Variants in PAX5 observed in about 807,000 individuals in gnomAD.
PAX5 encodes the protein paired box protein Pax-5.
A neutral mutation model predicts 43.7 loss-of-function variants in PAX5; 9 were observed. The observed-to-expected ratio is 0.21, with a 90% CI of 0.12 to 0.36. The LOEUF (loss-of-function observed/expected upper bound fraction) is 0.36, where lower values mean the gene tolerates loss of function less well. Ranked by LOEUF, PAX5 falls within the 10% of genes least tolerant of loss-of-function variation. PAX5 has a pLI of 1.00. For missense variants in PAX5, 383 were observed against 532.7 expected (o/e 0.72, Z 2.77); for synonymous variants, 228 against 214.3 (o/e 1.06, Z -0.56).
At chr9:36,965,071 T>C (rs1473326719) in intron 6 of PAX5, among the ~76,000 whole-genome samples, 2 of 151,900 alleles carry the variant, frequency 1.3e-5, no homozygotes, top group Non-Finnish European at 2.9e-5. Context: ...ACACCCCTTC[T>C]CCTTGCTCCA....
chr9:37,018,884 A>G lies in PAX5; in HGVS notation c.212+1752T>C, dbSNP rs1332235946. Among the ~76,000 whole-genome samples, 14 of 152,304 alleles carry G rather than the reference A, an allele frequency of 9.2e-5. No individual in the cohort carries two copies. The East Asian group carries it at 2.5e-3, about 27-fold the overall frequency. The stretch of plus-strand genomic sequence containing the variant: ...TCTCCATGGGAGATTTGGAGGCTCC[A>G]GAGCACCAGAACATGAGGACCACAT... On this transcript the variant is annotated intron_variant, in intron 2 of 9. Coordinates refer to ENST00000358127, the MANE Select transcript of PAX5 (RefSeq NM_016734.3).
rs961912291 is a variant in PAX5 at position 36,894,074 on chromosome 9, C to A, written c.911-11969G>T. Among the ~76,000 whole-genome samples the A allele has an allele frequency of 2.0e-5, 3 of 152,210 alleles. No homozygotes were observed. The East Asian group carries it at 5.8e-4, about 29-fold the overall frequency. On this transcript the variant is annotated intron_variant, in intron 7 of 9. Coordinates refer to ENST00000358127, the MANE Select transcript of PAX5 (RefSeq NM_016734.3). ...TGGTTGCTGATCGAGACCCGCCACG[C>A]CCCCACTCCTGGTTTTGGTACATGC...
At chr9:37,021,485 A>G (rs1588252253) in intron 1 of PAX5, among the ~76,000 whole-genome samples, 1 of 152,196 alleles carries the variant, frequency 6.6e-6, no homozygotes, top group African/African-American at 2.4e-5. Context: ...CACACAGCAC[A>G]TTCCACTCCA....
intron 7 of PAX5, among the ~76,000 whole-genome samples, chr9:36,909,873 G>A (rs1304985255): frequency 7.3e-6 from 1 of 137,050 alleles, no homozygotes; most frequent in Admixed American, 7.7e-5. Flanking sequence ...CCAGGCTGGA[G>A]TGCAGTGGCA....
chr9:36,956,479 C>T (rs1833487168), intron 6 of PAX5, among the ~76,000 whole-genome samples: 1 of 152,092 alleles, frequency 6.6e-6, no homozygotes, highest in South Asian at 2.1e-4. Context: ...GGGCAATCTC[C>T]CACCCTAAAT....
In PAX5 at chr9:36,836,389, T is replaced by A. The variant is rs2131552719; in HGVS notation, c.*4171A>T. On this transcript the variant is annotated 3_prime_UTR_variant, in exon 10 of 10. Transcript: ENST00000358127. ...CTCACCTCTCTGGGCTCCCATCTCC[T>A]CCAAATCTGCAACAAAGGACAGGAG... is the stretch of plus-strand genomic sequence containing the variant. The A allele has an allele frequency of 4.3e-6, 1 of 233,192 alleles. No individual in the cohort carries two copies. 14.4% of individuals were successfully genotyped at this position (233,192 alleles called of 1,614,324 possible).
At position 36,874,730 on chromosome 9, in the gene PAX5, CT is replaced by C. The variant is rs1286154174; in HGVS notation, c.1012+7273del. Among the ~76,000 whole-genome samples the C allele has an allele frequency of 8.8e-4, 134 of 152,324 alleles. 1 individual carries two copies. The highest frequency in any genetic ancestry group is 5.9e-5 in the Non-Finnish European group (4 of 68,046). On this transcript the variant is annotated intron_variant, in intron 8 of 9. Coordinates refer to ENST00000358127, the MANE Select transcript of PAX5 (RefSeq NM_016734.3). ...CTCTCATTTCTGACTGGATTCTTCT[CT>C]AGTTGGCTTTCCCATTGATCCACAG...
At chr9:36,966,511 C>T (rs548213832) in intron 6 of PAX5, 38 bp downstream of exon 6, 20 of 1,590,790 alleles carry the variant, frequency 1.3e-5, no homozygotes, top group South Asian at 4.5e-5. Context: ...GCCGGTGTGG[C>T]GGTGGCAGGT....
At chr9:36,846,812 A>T (rs367924955) in intron 9 of PAX5, 31 bp downstream of exon 9, 7 of 1,544,890 alleles carry the variant, frequency 4.5e-6, no homozygotes, top group Non-Finnish European at 6.3e-6. Context: ...TGATGGCCCA[A>T]GGGCCCCGCA....
chr9:36,867,063 G>T (rs567621318), intron 8 of PAX5, among the ~76,000 whole-genome samples: 20 of 134,184 alleles, frequency 1.5e-4, no homozygotes, highest in East Asian at 7.2e-4. Flanking sequence ...GGGGTGGTGG[G>T]GGGGGGGCCT....
chr9:36,943,484 A>G (rs1832227651), intron 6 of PAX5, among the ~76,000 whole-genome samples: 1 of 150,762 alleles, frequency 6.6e-6, no homozygotes, highest in Non-Finnish European at 1.5e-5. Flanking sequence ...TGCTAACTTC[A>G]GCTCTCCTAA....
chr9:36,847,068 G>T (rs1445591822), intron 8 of PAX5, 139 bp from the exon 9 acceptor site: 2 of 619,642 alleles, frequency 3.2e-6, no homozygotes, highest in Non-Finnish European at 5.9e-6. Context: ...ACCAACAAAA[G>T]CAAGTCAGGT....
At chr9:36,850,350 A>C (rs889267127) in intron 8 of PAX5, among the ~76,000 whole-genome samples, 1 of 152,254 alleles carries the variant, frequency 6.6e-6, no homozygotes, top group African/African-American at 2.4e-5. Flanking sequence ...CAGTCTAAGC[A>C]AGAGGGACTG....
Position 36,936,402 on chromosome 9 carries a change from C to T in PAX5, c.781-12918G>A, listed in dbSNP as rs560256826. On this transcript the variant is annotated intron_variant, in intron 6 of 9. Transcript: ENST00000358127. ...GAGGGAAAGTTCCAGGGACAAAGCT[C>T]CATCTCCAGGTGGCCAAGTTCCACA... Among the ~76,000 whole-genome samples, 5 of 152,326 alleles carry T rather than the reference C, an allele frequency of 3.3e-5. No homozygotes were observed. The South Asian group carries it at 1.0e-3, about 32-fold the overall frequency.
At chr9:37,024,016 T>G (rs1840080426) in intron 1 of PAX5, among the ~76,000 whole-genome samples, 1 of 152,222 alleles carries the variant, frequency 6.6e-6, no homozygotes, top group African/African-American at 2.4e-5. Context: ...AGCTTCATTT[T>G]AATGCCTTTG....
chr9:36,886,723 G>A (rs963027955), intron 7 of PAX5, among the ~76,000 whole-genome samples: 6 of 152,014 alleles, frequency 3.9e-5, no homozygotes, highest in African/African-American at 1.2e-4. Flanking sequence ...ATTTGCAATG[G>A]CACTGAATGT....
intron 5 of PAX5, among the ~76,000 whole-genome samples, chr9:36,971,453 G>T (rs1834920262): frequency 6.6e-6 from 1 of 152,212 alleles, no homozygotes; most frequent in Non-Finnish European, 1.5e-5. Flanking sequence ...CCATGAAGAT[G>T]CTGTCTGACT....
At chr9:36,975,325 G>C (rs1329885936) in intron 5 of PAX5, among the ~76,000 whole-genome samples, 1 of 152,176 alleles carries the variant, frequency 6.6e-6, no homozygotes, top group Non-Finnish European at 1.5e-5. Flanking sequence ...TGAACTCATG[G>C]GGGCCCGGGT....
intron 7 of PAX5, among the ~76,000 whole-genome samples, chr9:36,901,313 C>G (rs1828372968): frequency 6.6e-6 from 1 of 152,088 alleles, no homozygotes; most frequent in African/African-American, 2.4e-5. Context: ...CACCTGTTTC[C>G]CCAGCCTGGT....
Sources: allele counts gnomAD v4.1 joint callset (sites outside exome capture counted in the v4.1 genomes callset), GRCh38; gene constraint gnomAD v4.1.1; transcripts MANE v1.5; gene names NCBI Gene and HGNC (gene_info 2026-07-23, HGNC 2026-07-21).